Variants in PKD1L1 observed in about 807,000 individuals in gnomAD.
The protein encoded by PKD1L1 is polycystin 1 like 1, transient receptor potential channel interacting, also known as polycystin-1-like protein 1.
In PKD1L1, 236 loss-of-function variants were observed where a neutral mutation model predicts 323.4. The ratio of observed to expected loss-of-function variants is 0.73; its 90% confidence interval spans 0.66 to 0.81. The LOEUF is 0.81. Ranked by LOEUF, PKD1L1 falls within the 40% of genes least tolerant of loss-of-function variation. PKD1L1 has a pLI of 0.00. For missense variants in PKD1L1, 3,320 were observed against 3,508.0 expected (o/e 0.95, Z 1.35); for synonymous variants, 1,344 against 1,335.0 (o/e 1.01, Z -0.15).
At chr7:47,958,802 T>TCTCCCCACGGTCTCCCTCTCCCC in the PKD1L1 span, among the ~76,000 whole-genome samples, 1 of 145,092 alleles carries the variant, frequency 6.9e-6, no homozygotes, top group Non-Finnish European at 1.5e-5. Context: ...TCCCTCTCCC[T>TCTCCCCACGGTCTCCCTCTCCCC]CTCCCCACGG....
Position 47,905,935 on chromosome 7 carries a change from G to A in PKD1L1, c.1430C>T (p.Ser477Phe), listed in dbSNP as rs973346545. The A allele has an allele frequency of 3.0e-5, 48 of 1,610,116 alleles. No homozygotes were observed. Among genetic ancestry groups the A allele is most frequent in the African/African-American group, 4.0e-5 (3 of 74,636 alleles). Reference protein sequence around the residue: ...KSTVVIHHFPSIPSYNVSFIS... With the variant: ...KSTVVIHHFPFIPSYNVSFIS... ...AAAGGACACGTTATATGAAGGAATA[G>A]ATGGAAAGTGATGTATAACCACAGT... The change falls in exon 10 of 57, where the codon TCT becomes TTT. Residue 477 changes from serine (S) to phenylalanine (F), a missense_variant. Coordinates refer to ENST00000289672, the MANE Select transcript of PKD1L1 (RefSeq NM_138295.5).
At chr7:47,790,731 T>TTAA (rs1474868411) in intron 56 of PKD1L1, among the ~76,000 whole-genome samples, 1 of 151,848 alleles carries the variant, frequency 6.6e-6, no homozygotes, top group Admixed American at 6.6e-5. Context: ...TCCAGCGACT[T>TTAA]TATTAGTGTG....
In PKD1L1 at chr7:47,829,440, T is replaced by C. The variant is rs7788583; in HGVS notation, c.6720A>G (p.Ala2240=). The change falls in exon 44 of 57, where the codon GCA becomes GCG. Residue 2240 remains alanine, a synonymous_variant. Transcript: ENST00000289672. The part of the protein sequence containing the change: ...FSSSCSIPDC[A]GEVEKVLAAR... ...TTTTTTTTACTTTTTCAACCTCGCC[T>C]GCACAGTCAGGAATACTGCAGCTTG... The C allele has an allele frequency of 0.18, 284,929 of 1,606,976 alleles. 26,964 individuals are homozygous for C. Among genetic ancestry groups the C allele is most frequent in the African/African-American group, 0.32 (23,597 of 74,286 alleles).
chr7:47,800,618 T>C lies in PKD1L1; in HGVS notation c.8193+31A>G, dbSNP rs1467859181. ...CAGCAAATGAAACTTTTACAAACCATAACTTGAAAGTTGGGGATGTGTTTA... is the reference window on the plus strand; with the variant it reads ...CAGCAAATGAAACTTTTACAAACCACAACTTGAAAGTTGGGGATGTGTTTA... On this transcript the variant is annotated intron_variant, in intron 54 of 56. Coordinates refer to ENST00000289672, the MANE Select transcript of PKD1L1 (RefSeq NM_138295.5). 3 of 1,602,616 alleles carry C rather than the reference T, an allele frequency of 1.9e-6. No homozygotes were observed. The East Asian group carries it at 6.7e-5, about 36-fold the overall frequency.
rs746423330 is a variant in PKD1L1 at position 47,904,452 on chromosome 7, A to C, written c.1857T>G (p.Asp619Glu). 1.2e-6 allele frequency: 2 copies of C among 1,614,182 alleles called. No homozygotes were observed. Among genetic ancestry groups the C allele is most frequent in the Non-Finnish European group, 1.7e-6 (2 of 1,180,034 alleles). The change falls in exon 12 of 57, where the codon GAT becomes GAG. Residue 619 changes from aspartate (D) to glutamate (E), a missense_variant. Asp to Glu is a conservative substitution (Grantham distance 45). Transcript: ENST00000289672. Reference sequence around the variant, plus strand: ...CCCCAAAGTCCCACAGGTAGGCAACATCTGTGCCGAAGTTGATCCAGCACT... The same window carrying C: ...CCCCAAAGTCCCACAGGTAGGCAACCTCTGTGCCGAAGTTGATCCAGCACT... ...AFECWINFGT[D>E]VAYLWDFGDG...
intron 30 of PKD1L1, among the ~76,000 whole-genome samples, chr7:47,853,768 A>G (rs1176631238): frequency 3.7e-5 from 2 of 53,456 alleles, no homozygotes; most frequent in African/African-American, 1.1e-4. Context: ...AAACAAACCA[A>G]AAAAAAAAAA....
chr7:47,925,360 GA>G (rs1787636965), intron 7 of PKD1L1, among the ~76,000 whole-genome samples: 1 of 151,418 alleles, frequency 6.6e-6, no homozygotes, highest in African/African-American at 2.4e-5. Flanking sequence ...AAACAGAAAA[GA>G]AAAGAAAAAA....
At chr7:47,936,795 G>T in intron 4 of PKD1L1, 51 bp downstream of exon 4, 1 of 1,362,370 alleles carries the variant, frequency 7.3e-7, no homozygotes, top group Non-Finnish European at 1.0e-6. Context: ...TAAGTTCCAT[G>T]TCATTTGCAT....
chr7:47,819,894 T>C (rs1785104694), intron 46 of PKD1L1: 1 of 248,094 alleles, frequency 4.0e-6, no homozygotes, highest in African/African-American at 2.4e-5. Flanking sequence ...AACCAAAAAG[T>C]ATTTACGTCA....
At chr7:47,865,526 G>T (rs7800263) in intron 25 of PKD1L1, among the ~76,000 whole-genome samples, 4 of 145,230 alleles carry the variant, frequency 2.8e-5, no homozygotes, top group Non-Finnish European at 6.1e-5. Flanking sequence ...CTGACACGAG[G>T]GCTGATGAAA....
intron 16 of PKD1L1, 86 bp downstream of exon 16, chr7:47,890,456 G>A: frequency 2.2e-6 from 3 of 1,347,634 alleles, no homozygotes; most frequent in Non-Finnish European, 2.1e-6. Flanking sequence ...TGCTTGCTGT[G>A]CACAGCAGAT....
Position 47,808,255 on chromosome 7 carries a change from A to G in PKD1L1, c.7819T>C (p.Trp2607Arg), listed in dbSNP as rs755320102. The change falls in exon 52 of 57, where the codon TGG becomes CGG. Residue 2607 changes from tryptophan (W) to arginine (R), a missense_variant. Transcript: ENST00000289672. ...CTGAGCACACCGTGTACCTGATTCC[A>G]TGATGCCATAAGGGTGAGGTCCATA... ...AFMDLTLMASWNQRARWLRGI... is the reference protein window; with the variant it reads ...AFMDLTLMASRNQRARWLRGI... 5.0e-6 allele frequency: 8 copies of G among 1,614,154 alleles called. No individual in the cohort carries two copies. Among genetic ancestry groups the G allele is most frequent in the Admixed American group, 1.7e-5 (1 of 60,022 alleles).
chr7:47,859,782 T>G (rs1388992960), intron 26 of PKD1L1, among the ~76,000 whole-genome samples: 2 of 152,120 alleles, frequency 1.3e-5, no homozygotes, highest in East Asian at 1.9e-4. Flanking sequence ...CCCACCACCA[T>G]GCCCAGCTAA....
At position 47,857,632 on chromosome 7, in the gene PKD1L1, T is replaced by C. The variant is rs1785933209; in HGVS notation, c.4563A>G (p.Pro1521=). ...ISQLILFKKN[P]YPGSQAPGQI... Reference sequence around the variant, plus strand: ...GCCCAGGAGCTTGGCTCCCTGGATATGGGTTCTTCTTGAAGAGTATGAGCT... The same window carrying C: ...GCCCAGGAGCTTGGCTCCCTGGATACGGGTTCTTCTTGAAGAGTATGAGCT... The change falls in exon 28 of 57, where the codon CCA becomes CCG. Residue 1521 remains proline, a synonymous_variant. Transcript: ENST00000289672. 6.2e-7 allele frequency: 1 copy of C among 1,614,100 alleles called. No individual in the cohort carries two copies. Among genetic ancestry groups the C allele is most frequent in the African/African-American group, 1.3e-5 (1 of 74,932 alleles).
intron 16 of PKD1L1, among the ~76,000 whole-genome samples, chr7:47,889,997 C>T (rs951503984): frequency 1.3e-5 from 2 of 152,182 alleles, no homozygotes; most frequent in East Asian, 1.9e-4. Flanking sequence ...GTTTGGTGTC[C>T]GGGGGCTGCA....
chr7:47,860,519 T>C (rs1260313252), intron 26 of PKD1L1, among the ~76,000 whole-genome samples: 3 of 152,204 alleles, frequency 2.0e-5, no homozygotes, highest in African/African-American at 4.8e-5. Flanking sequence ...GATATACCTT[T>C]TAAAATCTAG....
chr7:47,828,651 A>T (rs1329350275), intron 44 of PKD1L1, among the ~76,000 whole-genome samples: 1 of 151,408 alleles, frequency 6.6e-6, no homozygotes, highest in Non-Finnish European at 1.5e-5. Context: ...GTGTAGATGT[A>T]AAACAGCATA....
chr7:47,798,536 T>C (rs900215030), intron 54 of PKD1L1, among the ~76,000 whole-genome samples: 1 of 151,862 alleles, frequency 6.6e-6, no homozygotes, highest in African/African-American at 2.4e-5. Context: ...GGCGGGAGGA[T>C]CACGAGGTCA....
chr7:47,823,695 A>AT (rs563076829), intron 45 of PKD1L1, among the ~76,000 whole-genome samples: 134 of 152,258 alleles, frequency 8.8e-4, no homozygotes, highest in African/African-American at 2.9e-3. Context: ...CAATGCCCAG[A>AT]TTCATTACTT....
Sources: allele counts gnomAD v4.1 joint callset (sites outside exome capture counted in the v4.1 genomes callset), GRCh38; gene constraint gnomAD v4.1.1; transcripts MANE v1.5; gene names NCBI Gene and HGNC (gene_info 2026-07-23, HGNC 2026-07-21).